HMCN1: variants seen among roughly 807,000 people sequenced by gnomAD.
HMCN1 encodes hemicentin 1.
HMCN1 carries 321 observed loss-of-function variants against 625.9 expected under a neutral mutation model. That is an observed-to-expected ratio of 0.51 (90% CI 0.47 to 0.56). The LOEUF (loss-of-function observed/expected upper bound fraction) is 0.56. Among genes scored for constraint, HMCN1 ranks in the 20% least tolerant of loss-of-function variants. The pLI, the probability that HMCN1 is intolerant of heterozygous loss-of-function variation, is 0.00. For missense variants in HMCN1, 6,588 were observed against 6,887.3 expected (o/e 0.96, Z 1.54); for synonymous variants, 2,425 against 2,417.6 (o/e 1.00, Z -0.09).
At chr1:186,133,950 G>A (rs1032680378) in intron 86 of HMCN1, among the ~76,000 whole-genome samples, 55 of 152,066 alleles carry the variant, frequency 3.6e-4, no homozygotes, top group African/African-American at 1.2e-3. Flanking sequence ...GTGAATTATG[G>A]CTCAACAAGG....
chr1:186,154,012 A>G, intron 97 of HMCN1, 25 bp downstream of exon 97: 1 of 1,566,176 alleles, frequency 6.4e-7, no homozygotes, highest in Non-Finnish European at 8.8e-7. Flanking sequence ...GAAAATCCAT[A>G]TCTTTATGCC....
chr1:185,832,082 G>C (rs1571417264), intron 1 of HMCN1, among the ~76,000 whole-genome samples: 1 of 152,046 alleles, frequency 6.6e-6, no homozygotes. Context: ...GATCTCTTGA[G>C]GTCGGAAGTT....
rs748510163 is a variant in HMCN1 at position 186,082,890 on chromosome 1, T to C, written c.8813T>C (p.Ile2938Thr). 6 of 1,588,232 alleles carry C rather than the reference T, an allele frequency of 3.8e-6. No individual in the cohort carries two copies. The Admixed American group carries it at 8.5e-5, about 23-fold the overall frequency. ...LQILNTQITD[I>T]GRYVCVAENT... ...ATTCTGAATACTCAAATAACAGATA[T>C]CGGCAGGTATGTGTGTGTTGCTGAG... The change falls in exon 57 of 107, where the codon ATC becomes ACC. Residue 2938 changes from isoleucine (I) to threonine (T), a missense_variant. By Grantham distance (89) the Ile-to-Thr change is moderately conservative. This residue lies in a region of HMCN1 where 4,628 missense variants were observed against 4,853.1 expected (regional missense o/e 0.95). Transcript: ENST00000271588.
At chr1:186,053,729 T>C (rs1657122406) in intron 43 of HMCN1, 96 bp from the exon 44 acceptor site, 1 of 1,251,488 alleles carries the variant, frequency 8.0e-7, no homozygotes, top group Non-Finnish European at 1.2e-6. Flanking sequence ...TTGCCTTTTA[T>C]ATACTTGAAC....
In HMCN1 at chr1:186,178,550, C is replaced by T; in HGVS notation, c.16078C>T (p.Leu5360=). The change falls in exon 104 of 107, where the codon CTG becomes TTG. Residue 5360 remains leucine, a synonymous_variant. Coordinates refer to ENST00000271588, the MANE Select transcript of HMCN1 (RefSeq NM_031935.3). ...GAAATCTTGCGCTGGATTGGAGAGG[C>T]TGCCAAATTATGGCACTCAATACAG... ...DGKSCAGLER[L]PNYGTQYSSY... The T allele has an allele frequency of 6.2e-7, 1 of 1,614,110 alleles. No individual in the cohort carries two copies. The highest frequency in any genetic ancestry group is 8.5e-7 in the Non-Finnish European group (1 of 1,179,988).
At chr1:185,976,398 G>A (rs569702332) in intron 15 of HMCN1, among the ~76,000 whole-genome samples, 3 of 152,230 alleles carry the variant, frequency 2.0e-5, no homozygotes, top group Admixed American at 2.0e-4. Context: ...TGCAAAGTTG[G>A]AGGAGGTTCT....
chr1:185,757,798 A>G (rs1655230120), intron 1 of HMCN1, among the ~76,000 whole-genome samples: 1 of 152,154 alleles, frequency 6.6e-6, no homozygotes, highest in African/African-American at 2.4e-5. Flanking sequence ...TCTTCATGAA[A>G]CCTTTCAGAG....
At chr1:185,867,117 G>A (rs530844717) in intron 4 of HMCN1, among the ~76,000 whole-genome samples, 79 of 152,210 alleles carry the variant, frequency 5.2e-4, no homozygotes, top group African/African-American at 1.7e-3. Context: ...AGAATCTAGC[G>A]AAAAATTTTT....
chr1:186,050,328 T>C (rs1656866875), intron 42 of HMCN1, among the ~76,000 whole-genome samples: 1 of 151,684 alleles, frequency 6.6e-6, no homozygotes, highest in African/African-American at 2.4e-5. Flanking sequence ...GAAATAAGAG[T>C]TAAAAACATA....
chr1:186,045,574 T>G (rs1313010923), intron 40 of HMCN1, 114 bp from the exon 41 acceptor site: 2 of 809,456 alleles, frequency 2.5e-6, no homozygotes, highest in Non-Finnish European at 4.3e-6. Context: ...ATGATTGTGA[T>G]CCTATATCTT....
chr1:185,964,947 TA>T (rs577200357), intron 13 of HMCN1, among the ~76,000 whole-genome samples: 6 of 150,934 alleles, frequency 4.0e-5, no homozygotes, highest in African/African-American at 7.3e-5. Flanking sequence ...AGGGTAAGGT[TA>T]AAAAAAAAGC....
Position 186,094,371 on chromosome 1 carries a change from T to C in HMCN1, c.10292T>C (p.Phe3431Ser). 6.2e-7 allele frequency: 1 copy of C among 1,609,588 alleles called. No individual in the cohort carries two copies. Among genetic ancestry groups the C allele is most frequent in the East Asian group, 2.2e-5 (1 of 44,800 alleles). ...VDNKHYNLQV[F>S]APPNMDNSMG... ...AATAAGCATTACAATCTTCAAGTGTTTGGTATGTGTCACAGAAATGACCCT... is the reference window on the plus strand; with the variant it reads ...AATAAGCATTACAATCTTCAAGTGTCTGGTATGTGTCACAGAAATGACCCT... The change falls in exon 67 of 107, where the codon TTT (phenylalanine) becomes TCT (serine). Residue 3431 changes from phenylalanine (F) to serine (S), a missense_variant and splice_region_variant. By Grantham distance (155) the Phe-to-Ser change is radical. Coordinates refer to ENST00000271588, the MANE Select transcript of HMCN1 (RefSeq NM_031935.3).
In HMCN1 at chr1:185,734,510, A is replaced by G. The variant is rs898919818; in HGVS notation, c.-270A>G. The G allele has an allele frequency of 2.3e-6, 1 of 438,184 alleles. No homozygotes were observed. Among genetic ancestry groups the G allele is most frequent in the African/African-American group, 2.0e-5 (1 of 50,218 alleles). 27.1% of individuals were successfully genotyped at this position (438,184 alleles called of 1,614,324 possible). ...CCCGACGCGCCGCCCGCACTCCGCC[A>G]CAGGCTGTCCAGGGCCCGCGGGCAG... On this transcript the variant is annotated 5_prime_UTR_variant, in exon 1 of 107. Coordinates refer to ENST00000271588, the MANE Select transcript of HMCN1 (RefSeq NM_031935.3).
intron 97 of HMCN1, among the ~76,000 whole-genome samples, chr1:186,156,101 T>C (rs779763858): frequency 3.4e-4 from 52 of 152,140 alleles, no homozygotes; most frequent in Non-Finnish European, 6.6e-4. Context: ...AATATTTTTA[T>C]ATCTTTAAAA....
In HMCN1 at chr1:186,172,079, C is replaced by T. The variant is rs1484903402; in HGVS notation, c.15762C>T (p.Cys5254=). 1.9e-6 allele frequency: 3 copies of T among 1,613,820 alleles called. No homozygotes were observed. Among genetic ancestry groups the T allele is most frequent in the Non-Finnish European group, 2.5e-6 (3 of 1,179,782 alleles). Residue 5254 remains cysteine (C), a synonymous_variant, in exon 102 of 107, where the codon TGC becomes TGT. Transcript: ENST00000271588. ...HCKNTRGGYK[C]IDLCPNGMTK... ...AGAACACCCGTGGTGGCTATAAGTG[C>T]ATTGATCTTTGTCCAAATGGAATGA... is the stretch of plus-strand genomic sequence containing the variant.
chr1:185,756,981 AT>A (rs1482916699), intron 1 of HMCN1, among the ~76,000 whole-genome samples: 2 of 151,800 alleles, frequency 1.3e-5, no homozygotes. Context: ...GATTTATTTT[AT>A]TTTATTTTTG....
intron 103 of HMCN1, 54 bp downstream of exon 103, chr1:186,174,696 C>G: frequency 6.3e-7 from 1 of 1,577,306 alleles, no homozygotes; most frequent in Non-Finnish European, 8.7e-7. Context: ...GTTACCTAGC[C>G]TTACCAACTC....
chr1:186,104,509 G>A (rs565590371), intron 69 of HMCN1, among the ~76,000 whole-genome samples: 1 of 152,288 alleles, frequency 6.6e-6, no homozygotes, highest in South Asian at 2.1e-4. Flanking sequence ...AAAGGGAACT[G>A]GAAGAAAAGA....
At chr1:185,742,568 T>C (rs1654060921) in intron 1 of HMCN1, among the ~76,000 whole-genome samples, 1 of 152,164 alleles carries the variant, frequency 6.6e-6, no homozygotes. Flanking sequence ...TGAACTGAAA[T>C]TCAAATTGAA....
Sources: gnomAD v4.1 joint callset for allele counts (sites outside exome capture counted in the v4.1 genomes callset) on GRCh38, gnomAD v4.1.1 for gene constraint, gnomAD v4.1.1 regional missense constraint, MANE v1.5 for transcripts, NCBI Gene and HGNC (gene_info 2026-07-23, HGNC 2026-07-21) for gene names.